The following RPS6KC1 variants were observed in gnomAD, a reference collection of about 807,000 sequenced individuals.
The protein encoded by RPS6KC1 is inactive ribosomal protein S6 kinase delta-1.
Under a neutral mutation model 103.8 loss-of-function variants are expected in RPS6KC1, and 54 were observed. That is an observed-to-expected ratio of 0.52 (90% CI 0.42 to 0.65). The LOEUF (loss-of-function observed/expected upper bound fraction) is 0.65. Ranked by LOEUF, RPS6KC1 falls within the 30% of genes least tolerant of loss-of-function variation. RPS6KC1 has a pLI of 0.00. For synonymous variants in RPS6KC1, 439 were observed against 438.7 expected, an observed-to-expected ratio of 1.00 and a Z score of -0.01; for missense variants, 1,151 against 1,253.8, an observed-to-expected ratio of 0.92 and a Z score of 1.24.
chr1:213,440,422 TC>T, the RPS6KC1 span, among the ~76,000 whole-genome samples: 2 of 152,230 alleles, frequency 1.3e-5, no homozygotes, highest in African/African-American at 4.8e-5. Flanking sequence ...CTCACTTCTT[TC>T]TAGGCTTAAA....
At chr1:213,275,724 G>A (rs2095111211), downstream of RPS6KC1, among the ~76,000 whole-genome samples, 1 of 152,102 alleles carries the variant, frequency 6.6e-6, no homozygotes, top group Non-Finnish European at 1.5e-5. Context: ...TTTGTGGTGA[G>A]AACATTTAAA....
At chr1:213,553,120 C>A in the RPS6KC1 span, among the ~76,000 whole-genome samples, 851 of 152,188 alleles carry the variant, frequency 5.6e-3, 4 homozygotes, top group African/African-American at 0.02. Context: ...GGTAATCAGC[C>A]TAATACCTGA....
intron 4 of RPS6KC1, among the ~76,000 whole-genome samples, chr1:213,115,065 C>T (rs1279122300): frequency 3.9e-5 from 6 of 152,188 alleles, no homozygotes; most frequent in Non-Finnish European, 8.8e-5. Flanking sequence ...ATGCTGGCAT[C>T]ATAAAATGAG....
At chr1:213,392,515 T>C in the RPS6KC1 span, among the ~76,000 whole-genome samples, 1 of 152,228 alleles carries the variant, frequency 6.6e-6, no homozygotes, top group Admixed American at 6.5e-5. Flanking sequence ...TAATCCTTAT[T>C]CCCAACTTAG....
At chr1:213,767,190 A>G in the RPS6KC1 span, among the ~76,000 whole-genome samples, 10 of 152,288 alleles carry the variant, frequency 6.6e-5, no homozygotes, top group East Asian at 1.7e-3. Flanking sequence ...TCTTCAAGAA[A>G]CAACCCTGGT....
chr1:213,568,916 A>G, the RPS6KC1 span, among the ~76,000 whole-genome samples: 1 of 152,216 alleles, frequency 6.6e-6, no homozygotes, highest in South Asian at 2.1e-4. Flanking sequence ...GGGCCTTGCC[A>G]ACAACCATGA....
chr1:213,462,501 A>G, the RPS6KC1 span, among the ~76,000 whole-genome samples: 2 of 152,208 alleles, frequency 1.3e-5, no homozygotes, highest in Non-Finnish European at 2.9e-5. Context: ...CTTGGAACCA[A>G]CCCAAATGTC....
chr1:213,373,459 A>G, the RPS6KC1 span, among the ~76,000 whole-genome samples: 5 of 152,234 alleles, frequency 3.3e-5, no homozygotes, highest in African/African-American at 7.2e-5. Flanking sequence ...TTTTTCAGTT[A>G]TGTATGTCAA....
At chr1:213,587,416 G>A in the RPS6KC1 span, among the ~76,000 whole-genome samples, 1 of 152,144 alleles carries the variant, frequency 6.6e-6, no homozygotes, top group Non-Finnish European at 1.5e-5. Context: ...GAGATGGAGT[G>A]GGGCAAGAGG....
chr1:213,289,703 A>G, the RPS6KC1 span, among the ~76,000 whole-genome samples: 1 of 152,184 alleles, frequency 6.6e-6, no homozygotes, highest in African/African-American at 2.4e-5. Flanking sequence ...TCTATGAGGA[A>G]AATGTGCTTT....
chr1:213,657,451 T>C, the RPS6KC1 span, among the ~76,000 whole-genome samples: 1 of 152,132 alleles, frequency 6.6e-6, no homozygotes, highest in Non-Finnish European at 1.5e-5. Context: ...AATTATTTAA[T>C]TATTTAAAAA....
intron 3 of RPS6KC1, among the ~76,000 whole-genome samples, chr1:213,092,878 C>T (rs2081109178): frequency 6.6e-6 from 1 of 152,068 alleles, no homozygotes; most frequent in Admixed American, 6.6e-5. Context: ...TTGCATTGCA[C>T]TTTCTGTACT....
At chr1:213,609,710 G>A in the RPS6KC1 span, among the ~76,000 whole-genome samples, 1 of 150,946 alleles carries the variant, frequency 6.6e-6, no homozygotes, top group East Asian at 2.0e-4. Context: ...GAAGCAGGTT[G>A]GACCAGGGCC....
the RPS6KC1 span, among the ~76,000 whole-genome samples, chr1:213,529,622 T>C: frequency 3.9e-5 from 6 of 152,186 alleles, no homozygotes; most frequent in Non-Finnish European, 8.8e-5. Flanking sequence ...AGCACTTTTA[T>C]TCCCATTTCA....
At chr1:213,538,074 T>A in the RPS6KC1 span, among the ~76,000 whole-genome samples, 1 of 152,136 alleles carries the variant, frequency 6.6e-6, no homozygotes, top group African/African-American at 2.4e-5. Flanking sequence ...CAGGAGTCTT[T>A]CCTATCAGGA....
chr1:213,363,610 CTTGCTT>C, the RPS6KC1 span, among the ~76,000 whole-genome samples: 40 of 75,614 alleles, frequency 5.3e-4, 1 homozygote, highest in South Asian at 2.5e-3. Context: ...CGCTCGCTTG[CTTGCTT>C]GCTTGCTTGC....
At chr1:213,532,552 A>C in the RPS6KC1 span, among the ~76,000 whole-genome samples, 113,106 of 152,084 alleles carry the variant, frequency 0.74, 42,199 homozygotes, top group East Asian at 0.98. Flanking sequence ...CTGCTTACTA[A>C]GAACCGTCTT....
chr1:213,137,612 C>T (rs934305656), intron 6 of RPS6KC1, among the ~76,000 whole-genome samples: 1 of 151,472 alleles, frequency 6.6e-6, no homozygotes, highest in Non-Finnish European at 1.5e-5. Flanking sequence ...GGATTAGAGG[C>T]GTGAGCCACC....
the RPS6KC1 span, among the ~76,000 whole-genome samples, chr1:213,366,758 C>T: frequency 0.094 from 14,306 of 152,278 alleles, 904 homozygotes; most frequent in Non-Finnish European, 0.14. Context: ...AAATTGTCCA[C>T]CTTGAGTTTT....
Sources: gnomAD v4.1 joint callset for allele counts (sites outside exome capture counted in the v4.1 genomes callset) on GRCh38, gnomAD v4.1.1 for gene constraint, MANE v1.5 for transcripts, NCBI Gene and HGNC (gene_info 2026-07-23, HGNC 2026-07-21) for gene names.